SCRN2: variants seen among roughly 807,000 people sequenced by gnomAD.
SCRN2 encodes secernin-2.
Under a neutral mutation model 40.1 loss-of-function variants are expected in SCRN2, and 30 were observed. The observed-to-expected ratio is 0.75, with a 90% CI of 0.56 to 1.01. SCRN2 has a LOEUF of 1.01. SCRN2 is among the 50% of genes least tolerant of loss of function. The probability of loss-of-function intolerance (pLI) is 0.00; values close to 1 mark genes in which losing one functional copy is unlikely to be tolerated. For synonymous variants in SCRN2, 240 were observed against 233.5 expected (o/e 1.03, Z -0.25); for missense variants, 526 against 564.9 (o/e 0.93, Z 0.70).
rs1477260134 is a variant in SCRN2 at position 47,839,586 on chromosome 17, T to C, written c.414A>G (p.Leu138=). 3 of 1,613,934 alleles carry C rather than the reference T, an allele frequency of 1.9e-6. No individual in the cohort carries two copies. The highest frequency in any genetic ancestry group is 3.3e-5 in the Admixed American group (2 of 60,008). ...AQEALHVITG[L]LEHYGQGGNC... ...TGCCCCCCTGCCCATAGTGCTCCAG[T>C]AACCCTGTGATCACATGCAAGGCCT... Residue 138 remains leucine (L), a synonymous_variant, in exon 4 of 8, where the codon TTA becomes TTG. Transcript: ENST00000290216.
At chr17:47,839,887 T>C (rs573828222) in intron 3 of SCRN2, 21 of 600,160 alleles carry the variant, frequency 3.5e-5, no homozygotes, top group Middle Eastern at 4.4e-4. Context: ...GAGAGAAGTG[T>C]CCTGAGCCCC....
chr17:47,840,608 A>T lies in SCRN2; in HGVS notation c.174+62T>A, dbSNP rs2033801697. 2.7e-6 allele frequency: 4 copies of T among 1,506,080 alleles called. No individual in the cohort carries two copies. The Admixed American group carries it at 8.7e-5, about 33-fold the overall frequency. The allele number at this position is 1,506,080 out of a possible 1,614,324, so 93.3% of individuals were successfully genotyped here. A position where few individuals can be genotyped will look rare whatever the true frequency, so the allele number is the denominator to read the frequency against. On this transcript the variant is annotated intron_variant, in intron 2 of 7. Transcript: ENST00000290216. Reference sequence around the variant, plus strand: ...CTCCCAGGTGTGGGGAGCAGGGAAGAAGGTCTTAAAAGAATGCAGAGATCT... The same window carrying T: ...CTCCCAGGTGTGGGGAGCAGGGAAGTAGGTCTTAAAAGAATGCAGAGATCT...
Position 47,837,718 on chromosome 17 carries a change from A to G in SCRN2, c.*126T>C, listed in dbSNP as rs2143615414. On this transcript the variant is annotated 3_prime_UTR_variant, in exon 8 of 8. Coordinates refer to ENST00000290216, the MANE Select transcript of SCRN2 (RefSeq NM_138355.4). ...AAAATAAAGCACATTTATTAAGGCA[A>G]AGGCCAAGCTGGCCGCTCAGAACAT... is the stretch of plus-strand genomic sequence containing the variant. 2 of 1,189,696 alleles carry G rather than the reference A, an allele frequency of 1.7e-6. No homozygotes were observed. The highest frequency in any genetic ancestry group is 1.1e-6 in the Non-Finnish European group (1 of 888,772). 73.7% of individuals were successfully genotyped at this position (1,189,696 alleles called of 1,614,324 possible). A position where few individuals can be genotyped will look rare whatever the true frequency, so the allele number is the denominator to read the frequency against.
At chr17:47,838,164 T>C (rs2033731892) in intron 7 of SCRN2, 106 bp downstream of exon 7, 2 of 1,531,038 alleles carry the variant, frequency 1.3e-6, no homozygotes, top group African/African-American at 1.4e-5. Flanking sequence ...TCTCCCCAGC[T>C]CTGAAATCTC....
chr17:47,839,608 G>T lies in SCRN2; in HGVS notation c.392C>A (p.Ala131Asp). ...CAGTAACCCTGTGATCACATGCAAG[G>T]CCTCCTGGGCAGAGCTGCTCCGTTC... ...ALERSSSAQE[A>D]LHVITGLLEH... Residue 131 changes from alanine to aspartate, a missense_variant, in exon 4 of 8, where the codon GCC becomes GAC. By Grantham distance (126) the Ala-to-Asp change is moderately radical. Coordinates refer to ENST00000290216, the MANE Select transcript of SCRN2 (RefSeq NM_138355.4). 6.2e-7 allele frequency: 1 copy of T among 1,614,062 alleles called. No individual in the cohort carries two copies. The highest frequency in any genetic ancestry group is 8.5e-7 in the Non-Finnish European group (1 of 1,180,044).
In SCRN2 at chr17:47,838,310, C is replaced by G. The variant is rs374214556; in HGVS notation, c.1079G>C (p.Arg360Pro). 1.2e-6 allele frequency: 2 copies of G among 1,609,068 alleles called. No individual in the cohort carries two copies. Among genetic ancestry groups the G allele is most frequent in the Non-Finnish European group, 1.7e-6 (2 of 1,178,058 alleles). ...TQVDRRHTLY[R>P]GHQAALGLME... ...CAGCCCCAGGGCTGCCTGGTGTCCACGGTAGAGGGTATGCCGACGATCTAC... is the reference window on the plus strand; with the variant it reads ...CAGCCCCAGGGCTGCCTGGTGTCCAGGGTAGAGGGTATGCCGACGATCTAC... The change falls in exon 7 of 8, where the codon CGT becomes CCT. Residue 360 changes from arginine (R) to proline (P), a missense_variant. Arg to Pro is a moderately radical substitution (Grantham distance 103, BLOSUM62 -2). Transcript: ENST00000290216.
chr17:47,840,360 C>A lies in SCRN2; in HGVS notation c.187G>T (p.Glu63Ter). ...TGCGTCTTCGACACCTGTTCCACTTCAATGTAGGTGCACTGGAGGTGAGGG... is the reference window on the plus strand; with the variant it reads ...TGCGTCTTCGACACCTGTTCCACTTAAATGTAGGTGCACTGGAGGTGAGGG... ...PGSRLQCTYI[E>*]VEQVSKTHAV... Residue 63 changes from glutamate to a stop codon, truncating the protein, a stop_gained, in exon 3 of 8, where the codon GAA becomes TAA. Transcript: ENST00000290216. LOFTEE classifies it high-confidence loss of function. 1 of 1,614,068 alleles carries A rather than the reference C, an allele frequency of 6.2e-7. No individual in the cohort carries two copies. The highest frequency in any genetic ancestry group is 8.5e-7 in the Non-Finnish European group (1 of 1,179,988).
Position 47,840,701 on chromosome 17 carries a change from G to C in SCRN2, c.143C>G (p.Ala48Gly), listed in dbSNP as rs1230763685. The stretch of plus-strand genomic sequence containing the variant: ...CCGGCTCCCAGGAGTGTGAGTGCCT[G>C]CGGGGACAAACACCACCTCCTGCAC... ...DEVQEVVFVP[A>G]GTHTPGSRLQ... The change falls in exon 2 of 8, where the codon GCA (alanine) becomes GGA (glycine). Residue 48 changes from alanine to glycine, a missense_variant. Physicochemically the swap from Ala to Gly is moderately conservative, Grantham distance 60. Coordinates refer to ENST00000290216, the MANE Select transcript of SCRN2 (RefSeq NM_138355.4). 2.5e-6 allele frequency: 4 copies of C among 1,605,836 alleles called. No homozygotes were observed. Among genetic ancestry groups the C allele is most frequent in the African/African-American group, 2.7e-5 (2 of 74,624 alleles).
intron 3 of SCRN2, 109 bp downstream of exon 3, chr17:47,840,082 G>T (rs940157757): frequency 6.1e-6 from 7 of 1,141,602 alleles, no homozygotes; most frequent in East Asian, 2.4e-5. Context: ...CTGCAGAGAG[G>T]AGGAGGCCCC....
In SCRN2 at chr17:47,840,299, C is replaced by T. The variant is rs2033794553; in HGVS notation, c.248G>A (p.Gly83Glu). Residue 83 changes from glycine to glutamate, a missense_variant, in exon 3 of 8, where the codon GGG (glycine) becomes GAG (glutamate). Physicochemically the swap from Gly to Glu is moderately conservative, Grantham distance 98. Coordinates refer to ENST00000290216, the MANE Select transcript of SCRN2 (RefSeq NM_138355.4). ...ATGCTCGTTGGCGCCCATCTCAGCCCCCCATAGCCAAGAAGGACGGCTCAG... is the reference window on the plus strand; with the variant it reads ...ATGCTCGTTGGCGCCCATCTCAGCCTCCCATAGCCAAGAAGGACGGCTCAG... ...VILSRPSWLWGAEMGANEHGV... is the reference protein window; with the variant it reads ...VILSRPSWLWEAEMGANEHGV... The T allele has an allele frequency of 1.9e-6, 3 of 1,614,072 alleles. No individual in the cohort carries two copies. Among genetic ancestry groups the T allele is most frequent in the African/African-American group, 1.3e-5 (1 of 74,940 alleles).
At position 47,838,298 on chromosome 17, in the gene SCRN2, G is replaced by A. The variant is rs1421401539; in HGVS notation, c.1091C>T (p.Ala364Val). ...RRHTLYRGHQAALGLMERDQD... is the reference protein window; with the variant it reads ...RRHTLYRGHQVALGLMERDQD... ...ATCTCTCTCCATCAGCCCCAGGGCTGCCTGGTGTCCACGGTAGAGGGTATG... is the reference window on the plus strand; with the variant it reads ...ATCTCTCTCCATCAGCCCCAGGGCTACCTGGTGTCCACGGTAGAGGGTATG... The change falls in exon 7 of 8, where the codon GCA becomes GTA. Residue 364 changes from alanine to valine, a missense_variant. Physicochemically the swap from Ala to Val is moderately conservative, Grantham distance 64. Transcript: ENST00000290216. The A allele has an allele frequency of 2.5e-6, 4 of 1,604,992 alleles. No homozygotes were observed. The South Asian group carries it at 3.3e-5, about 13-fold the overall frequency.
chr17:47,840,729 C>A lies in SCRN2; in HGVS notation c.115G>T (p.Glu39Ter). Residue 39 changes from glutamate (E) to a stop codon, truncating the protein, a stop_gained, in exon 2 of 8, where the codon GAG (glutamate) becomes TAG (stop). Transcript: ENST00000290216. LOFTEE classifies it high-confidence loss of function. ...FAKNSDRPRD[E>*]VQEVVFVPAG... ...GGGACAAACACCACCTCCTGCACCT[C>A]GTCCCGGGGTCGGTCCGAGTTCTTG... The A allele has an allele frequency of 6.2e-7, 1 of 1,603,014 alleles. No individual in the cohort carries two copies. The highest frequency in any genetic ancestry group is 1.7e-5 in the Admixed American group (1 of 58,014).
intron 2 of SCRN2, 84 bp downstream of exon 2, chr17:47,840,586 C>T (rs1000643593): frequency 1.4e-6 from 2 of 1,433,146 alleles, no homozygotes; most frequent in African/African-American, 1.4e-5. Context: ...TGGCAGCCTC[C>T]CAGGTGTGGG....
intron 3 of SCRN2, chr17:47,839,885 T>C (rs1358582558): frequency 1.7e-6 from 1 of 599,456 alleles, no homozygotes; most frequent in East Asian, 2.8e-5. Flanking sequence ...GAGAGAGAAG[T>C]GTCCTGAGCC....
rs2033722823 is a variant in SCRN2 at position 47,837,895 on chromosome 17, C to G, written c.1227G>C (p.Leu409=). ...TCACGAAGGCCTGGAAGAGGCTGCC[C>G]AGCTCCCAGAGGGGTGGGGCCCACT... ...AGEWAPPLWE[L]GSLFQAFVKR... The change falls in exon 8 of 8, where the codon CTG becomes CTC. Residue 409 remains leucine (L), a synonymous_variant. Transcript: ENST00000290216. The G allele has an allele frequency of 6.2e-7, 1 of 1,604,386 alleles. No individual in the cohort carries two copies. The highest frequency in any genetic ancestry group is 8.5e-7 in the Non-Finnish European group (1 of 1,179,648).
At chr17:47,839,714 G>A (rs1319257478) in intron 3 of SCRN2, 71 bp from the exon 4 acceptor site, 5 of 1,539,820 alleles carry the variant, frequency 3.2e-6, no homozygotes, top group African/African-American at 1.4e-5. Flanking sequence ...AAGCTCCAGG[G>A]GACAGAAGAG....
chr17:47,840,776 G>A lies in SCRN2; in HGVS notation c.68C>T (p.Ala23Val). The A allele has an allele frequency of 6.3e-7, 1 of 1,586,414 alleles. No individual in the cohort carries two copies. Among genetic ancestry groups the A allele is most frequent in the South Asian group, 1.1e-5 (1 of 88,860 alleles). ...CTTGGCAAAGATCACAGCCGGGATG[G>A]CTGAGGCCGGGGGCACGGAGACAAA... is the stretch of plus-strand genomic sequence containing the variant. ...DCFVSVPPAS[A>V]IPAVIFAKNS... The change falls in exon 2 of 8, where the codon GCC becomes GTC. Residue 23 changes from alanine to valine, a missense_variant. Coordinates refer to ENST00000290216, the MANE Select transcript of SCRN2 (RefSeq NM_138355.4).
chr17:47,839,325 C>T, intron 4 of SCRN2, 119 bp downstream of exon 4: 1 of 1,020,910 alleles, frequency 9.8e-7, no homozygotes, highest in Non-Finnish European at 1.4e-6. Flanking sequence ...GGAGAATTCC[C>T]AAGTGGGCTC....
chr17:47,837,972 G>A lies in SCRN2; in HGVS notation c.1150C>T (p.Gln384Ter), dbSNP rs143275072. ...TCGAGGCCTTCCTGCTCCAGATCCT[G>A]CTGTTTCTGCTGGAGCTGCTGCCCC... is the stretch of plus-strand genomic sequence containing the variant. ...DRGQQLQQKQ[Q>*]DLEQEGLEAT... is the part of the protein sequence containing the mutation. Residue 384 changes from glutamine to a stop codon, truncating the protein, a stop_gained, in exon 8 of 8, where the codon CAG becomes TAG. Coordinates refer to ENST00000290216, the MANE Select transcript of SCRN2 (RefSeq NM_138355.4). LOFTEE classifies it low-confidence loss of function (END_TRUNC). 6.2e-7 allele frequency: 1 copy of A among 1,607,554 alleles called. No individual in the cohort carries two copies. Among genetic ancestry groups the A allele is most frequent in the East Asian group, 2.2e-5 (1 of 44,842 alleles).
Sources: gnomAD v4.1 joint callset for allele counts on GRCh38, gnomAD v4.1.1 for gene constraint, MANE v1.5 for transcripts, NCBI Gene and HGNC (gene_info 2026-07-23, HGNC 2026-07-21) for gene names.